PTPRC: variants seen among roughly 807,000 people sequenced by gnomAD.
PTPRC encodes the protein receptor-type tyrosine-protein phosphatase C.
In PTPRC, 44 loss-of-function variants were observed where a neutral mutation model predicts 155.9. The ratio of observed to expected loss-of-function variants is 0.28; its 90% confidence interval spans 0.22 to 0.36. The LOEUF (loss-of-function observed/expected upper bound fraction) is 0.36, where lower values mean the gene tolerates loss of function less well. PTPRC is among the 10% of genes least tolerant of loss of function. The probability of loss-of-function intolerance (pLI) is 1.00; values close to 1 mark genes in which losing one functional copy is unlikely to be tolerated. For missense variants in PTPRC, 1,401 were observed against 1,564.6 expected (o/e 0.90, Z 1.76); for synonymous variants, 525 against 533.1 (o/e 0.98, Z 0.21).
In PTPRC at chr1:198,699,636, C is replaced by G. The variant is rs765927930; in HGVS notation, c.371C>G (p.Thr124Arg). The G allele has an allele frequency of 2.5e-6, 4 of 1,614,230 alleles. No individual in the cohort carries two copies. The highest frequency in any genetic ancestry group is 1.7e-5 in the Admixed American group (1 of 60,032). Residue 124 changes from threonine (T) to arginine (R), a missense_variant, in exon 5 of 33, where the codon ACG (threonine) becomes AGG (arginine). Coordinates refer to ENST00000442510, the MANE Select transcript of PTPRC (RefSeq NM_002838.5). ...DSQTPSAGTD[T>R]QTFSGSAANA... is the part of the protein sequence containing the mutation. ...CAGACGCCCTCTGCTGGAACTGACA[C>G]GCAGACATTCAGCGGCTCCGCCGCC...
chr1:198,729,105 AAT>A, intron 16 of PTPRC, 30 bp from the exon 17 acceptor site: 1 of 1,607,496 alleles, frequency 6.2e-7, no homozygotes, highest in South Asian at 1.1e-5. Context: ...GCTTCTTGAG[AAT>A]ATAGAAACTT....
intron 3 of PTPRC, chr1:198,692,979 T>G: frequency 1.1e-6 from 1 of 934,146 alleles, no homozygotes; most frequent in African/African-American, 1.8e-5. Context: ...GAGAAAAAAT[T>G]AAATTGCAGA....
intron 29 of PTPRC, among the ~76,000 whole-genome samples, chr1:198,751,736 T>C (rs1655394593): frequency 6.6e-6 from 1 of 152,066 alleles, no homozygotes; most frequent in African/African-American, 2.4e-5. Context: ...TACTCTTCAA[T>C]CTGGCCCTTT....
intron 17 of PTPRC, among the ~76,000 whole-genome samples, chr1:198,730,827 G>C (rs898920075): frequency 3.9e-5 from 6 of 151,932 alleles, no homozygotes; most frequent in Non-Finnish European, 5.9e-5. Flanking sequence ...AAGTTTCCAT[G>C]GGCAATAAGA....
At chr1:198,681,587 A>T (rs559390553) in intron 2 of PTPRC, among the ~76,000 whole-genome samples, 86 of 152,336 alleles carry the variant, frequency 5.6e-4, no homozygotes, top group African/African-American at 1.7e-3. Flanking sequence ...AGTTCTATTT[A>T]CAAATAAACA....
At chr1:198,685,151 T>C (rs1241182560) in intron 2 of PTPRC, among the ~76,000 whole-genome samples, 1 of 151,990 alleles carries the variant, frequency 6.6e-6, no homozygotes, top group Admixed American at 6.5e-5. Flanking sequence ...AAGCAGAAAG[T>C]CCTTTACTCA....
chr1:198,658,457 AATGTATACAT>A (rs1663728933), intron 2 of PTPRC, among the ~76,000 whole-genome samples: 1 of 152,218 alleles, frequency 6.6e-6, no homozygotes, highest in African/African-American at 2.4e-5. Context: ...TGAAAGACAC[AATGTATACAT>A]ACCTCCTTGA....
intron 2 of PTPRC, among the ~76,000 whole-genome samples, chr1:198,645,409 G>C (rs1486248649): frequency 6.6e-6 from 1 of 151,612 alleles, no homozygotes; most frequent in Non-Finnish European, 1.5e-5. Flanking sequence ...TAGAAAATGA[G>C]GCAGAAACCA....
At chr1:198,729,085 T>G in intron 16 of PTPRC, 52 bp from the exon 17 acceptor site, 1 of 1,587,356 alleles carries the variant, frequency 6.3e-7, no homozygotes, top group South Asian at 1.1e-5. Flanking sequence ...AAATACCAAT[T>G]GAATTTTGTG....
intron 9 of PTPRC, 63 bp downstream of exon 9, chr1:198,707,015 T>C: frequency 7.4e-7 from 1 of 1,348,750 alleles, no homozygotes; most frequent in Non-Finnish European, 1.1e-6. Context: ...TGTGTGGTGT[T>C]CTCCAGTGGT....
rs1653181804 is a variant in PTPRC, at chr1:198,709,625, A to G, written c.1034-62A>G. 1.3e-5 allele frequency: 18 copies of G among 1,339,678 alleles called. 1 individual carries two copies. Among genetic ancestry groups the G allele is most frequent in the Middle Eastern group, 2.5e-4 (1 of 3,948 alleles). The allele number at this position is 1,339,678 out of a possible 1,614,324, so 83.0% of individuals were successfully genotyped here. A position where few individuals can be genotyped will look rare whatever the true frequency, so the allele number is the denominator to read the frequency against. ...AGAGAATTATAAATGTGAAATTAGA[A>G]AATAAATGTGTGCGTGAAATATTGC... is the stretch of plus-strand genomic sequence containing the variant. On this transcript the variant is annotated intron_variant, in intron 10 of 32. Transcript: ENST00000442510.
At chr1:198,748,230 CAGAT>C in intron 27 of PTPRC, 31 bp downstream of exon 27, 2 of 1,576,346 alleles carry the variant, frequency 1.3e-6, no homozygotes, top group South Asian at 2.3e-5. Context: ...TTTTTTGTAT[CAGAT>C]AAAGTTAAGC....
intron 32 of PTPRC, among the ~76,000 whole-genome samples, chr1:198,754,876 C>T (rs1486239211): frequency 1.3e-5 from 2 of 152,054 alleles, no homozygotes; most frequent in African/African-American, 2.4e-5. Flanking sequence ...GTGTGCCCTA[C>T]AGTTTGGCTG....
intron 3 of PTPRC, among the ~76,000 whole-genome samples, chr1:198,693,536 AG>A: frequency 6.6e-6 from 1 of 152,322 alleles, no homozygotes; most frequent in East Asian, 1.9e-4. Flanking sequence ...CACCTTATTG[AG>A]GGAGTTTCTG....
chr1:198,664,171 G>T (rs1212817963), intron 2 of PTPRC, among the ~76,000 whole-genome samples: 1 of 152,060 alleles, frequency 6.6e-6, no homozygotes, highest in Non-Finnish European at 1.5e-5. Flanking sequence ...GGACAGTGTG[G>T]GTTTTTATTC....
chr1:198,712,835 T>C (rs1363626936), intron 11 of PTPRC, 118 bp from the exon 12 acceptor site: 2 of 1,160,872 alleles, frequency 1.7e-6, no homozygotes, highest in East Asian at 2.4e-5. Flanking sequence ...CTTTAAATTT[T>C]ATTTTGAATT....
At chr1:198,700,179 C>T (rs1666396237) in intron 5 of PTPRC, 1 of 175,624 alleles carries the variant, frequency 5.7e-6, no homozygotes, top group Non-Finnish European at 1.2e-5. Context: ...ATTTCCCATT[C>T]AAACATTAAG....
chr1:198,716,596 A>C (rs972531416), intron 12 of PTPRC, 86 bp from the exon 13 acceptor site: 8 of 1,188,942 alleles, frequency 6.7e-6, no homozygotes, highest in Non-Finnish European at 9.9e-6. Context: ...CACTTGGAAC[A>C]ATGTGATGTA....
chr1:198,686,597 CCTCTTAATTTCCATTG>C (rs1200971735), intron 2 of PTPRC, among the ~76,000 whole-genome samples: 1 of 151,840 alleles, frequency 6.6e-6, no homozygotes, highest in Non-Finnish European at 1.5e-5. Flanking sequence ...ACACATGTGC[CCTCTTAATTTCCATTG>C]CTATGTCACA....
Sources: allele counts gnomAD v4.1 joint callset (sites outside exome capture counted in the v4.1 genomes callset), GRCh38; gene constraint gnomAD v4.1.1; transcripts MANE v1.5; gene names NCBI Gene and HGNC (gene_info 2026-07-23, HGNC 2026-07-21).